Variants in CALU observed in about 807,000 individuals in gnomAD.
CALU encodes the protein IEF SSP 9302.
CALU carries 13 observed loss-of-function variants against 37.5 expected under a neutral mutation model. The ratio of observed to expected loss-of-function variants is 0.35; its 90% CI spans 0.23 to 0.55. CALU has a LOEUF of 0.55. CALU is among the 20% of genes least tolerant of loss of function. CALU has a pLI of 0.89. For synonymous variants in CALU, 114 were observed against 133.8 expected (o/e 0.85, Z 1.02); for missense variants, 282 against 391.7 (o/e 0.72, Z 2.36).
At chr7:128,739,550 G>C (rs2128876209) in intron 1 of CALU, 118 bp downstream of exon 1, 1 of 152,462 alleles carries the variant, frequency 6.6e-6, no homozygotes, top group African/African-American at 2.4e-5. Context: ...CGCTGTCTCT[G>C]CTGGCGCCCG....
rs779623213 is a variant in CALU, at chr7:128,772,837, T to C, written c.*3670T>C. Among the ~76,000 whole-genome samples, 3 of 152,208 alleles carry C rather than the reference T, an allele frequency of 2.0e-5. No individual in the cohort carries two copies. The highest frequency in any genetic ancestry group is 1.3e-4 in the Admixed American group (2 of 15,284). ...TATCTAGATTCCAGTCTAGAACTAC[T>C]CCTGGGTCTACGGTAATCCTAAACT... On this transcript the variant is annotated 3_prime_UTR_variant, in exon 7 of 7. Coordinates refer to ENST00000249364, the MANE Select transcript of CALU (RefSeq NM_001219.5).
intron 5 of CALU, among the ~76,000 whole-genome samples, chr7:128,765,605 C>CT (rs1801299907): frequency 6.6e-6 from 1 of 152,296 alleles, no homozygotes; most frequent in East Asian, 1.9e-4. Context: ...TGTGATATGG[C>CT]TCTTAAGTGT....
At chr7:128,760,997 GATAA>G (rs1801093738) in intron 5 of CALU, among the ~76,000 whole-genome samples, 1 of 152,184 alleles carries the variant, frequency 6.6e-6, no homozygotes, top group African/African-American at 2.4e-5. Flanking sequence ...TTAAAAGATG[GATAA>G]ATAAATGACG....
At position 128,748,773 on chromosome 7, in the gene CALU, CTG is replaced by C; in HGVS notation, c.191_192del (p.Leu64HisfsTer15). On this transcript the variant is annotated frameshift_variant, in exon 2 of 7. Coordinates refer to ENST00000249364, the MANE Select transcript of CALU (RefSeq NM_001219.5). LOFTEE classifies it high-confidence loss of function. The stretch of plus-strand genomic sequence containing the variant: ...TGAAGAAGCAAAGACCTTTGATCAG[CTG>C]ACACCAGAAGAGAGCAAGGAAAGGC... ...GAEEAKTFDQLTPEESKERLG... is the reference protein window; with the variant it reads ...GAEEAKTFDQXTPEESKERLG... 1 of 1,614,096 alleles carries C rather than the reference CTG, an allele frequency of 6.2e-7. No individual in the cohort carries two copies. The highest frequency in any genetic ancestry group is 8.5e-7 in the Non-Finnish European group (1 of 1,179,946).
intron 5 of CALU, among the ~76,000 whole-genome samples, chr7:128,762,023 A>G (rs937699423): frequency 1.2e-4 from 18 of 146,576 alleles, no homozygotes; most frequent in African/African-American, 4.1e-4. Flanking sequence ...GGAAGATAGG[A>G]TGGATGTTTT....
intron 1 of CALU, chr7:128,747,683 C>G (rs898088512): frequency 2.0e-5 from 3 of 151,732 alleles, no homozygotes; most frequent in African/African-American, 7.3e-5. Context: ...TGGATAGTAT[C>G]ACGGGGTATC....
chr7:128,754,155 G>A lies in CALU; in HGVS notation c.222-107G>A. 6 of 838,114 alleles carry A rather than the reference G, an allele frequency of 7.2e-6. No homozygotes were observed. In the South Asian group the frequency reaches 9.3e-5, roughly 13 times the overall value. The allele number at this position is 838,114 out of a possible 1,614,324, so 51.9% of individuals were successfully genotyped here. On this transcript the variant is annotated intron_variant, in intron 2 of 6. Transcript: ENST00000249364. ...GTTGCTGGCCTGGCAGTTTTGTTTT[G>A]GAGACAATTTTTTATTTCTGTGCAT...
At chr7:128,756,457 G>T (rs898893711) in intron 3 of CALU, among the ~76,000 whole-genome samples, 2 of 152,184 alleles carry the variant, frequency 1.3e-5, no homozygotes, top group Admixed American at 1.3e-4. Flanking sequence ...CATGAGGGTG[G>T]ACAGCACTGA....
chr7:128,764,275 A>C (rs1291862493), intron 5 of CALU, among the ~76,000 whole-genome samples: 1 of 151,520 alleles, frequency 6.6e-6, no homozygotes, highest in Admixed American at 6.6e-5. Context: ...AAAAAATACA[A>C]AAAAAAAGAA....
At chr7:128,742,523 T>C (rs990942800) in intron 1 of CALU, among the ~76,000 whole-genome samples, 4 of 152,230 alleles carry the variant, frequency 2.6e-5, no homozygotes, top group Admixed American at 2.6e-4. Context: ...TAAATTTCCC[T>C]GAAACAATTT....
rs961426022 is a variant in CALU, at chr7:128,769,301, C to T, written c.*134C>T. The T allele has an allele frequency of 4.8e-5, 27 of 560,156 alleles. No homozygotes were observed. Among genetic ancestry groups the T allele is most frequent in the African/African-American group, 2.3e-4 (12 of 52,918 alleles). The allele number at this position is 560,156 out of a possible 1,614,324, so 34.7% of individuals were successfully genotyped here. ...TGAAAAGGCGTAATGAAAACCATCCCGTCCCCATTCCTCCTCCTCTCTGAG... is the reference window on the plus strand; with the variant it reads ...TGAAAAGGCGTAATGAAAACCATCCTGTCCCCATTCCTCCTCCTCTCTGAG... On this transcript the variant is annotated 3_prime_UTR_variant, in exon 7 of 7. Coordinates refer to ENST00000249364, the MANE Select transcript of CALU (RefSeq NM_001219.5).
rs1801478352 is a variant in CALU at position 128,769,568 on chromosome 7, G to C, written c.*401G>C. Reference sequence around the variant, plus strand: ...CTCACTTAACTAATTTTGTAAGCCTGAGATCAATAAGAAATGTTCAGGAGA... The same window carrying C: ...CTCACTTAACTAATTTTGTAAGCCTCAGATCAATAAGAAATGTTCAGGAGA... On this transcript the variant is annotated 3_prime_UTR_variant, in exon 7 of 7. Coordinates refer to ENST00000249364, the MANE Select transcript of CALU (RefSeq NM_001219.5). 6.5e-6 allele frequency: 1 copy of C among 153,932 alleles called. No homozygotes were observed. The highest frequency in any genetic ancestry group is 6.5e-5 in the Admixed American group (1 of 15,482). The allele number at this position is 153,932 out of a possible 1,614,324, so 9.5% of individuals were successfully genotyped here.
In CALU at chr7:128,758,856, A is replaced by T. The variant is rs561291078; in HGVS notation, c.416-15A>T. 2.5e-6 allele frequency: 4 copies of T among 1,586,680 alleles called. No individual in the cohort carries two copies. The African/African-American group carries it at 5.4e-5, about 21-fold the overall frequency. Reference sequence around the variant, plus strand: ...GAAAGTCTTTTAAGATTTGACCTAAATTTTTGTTTTCTAGATGATCCAGAT... The same window carrying T: ...GAAAGTCTTTTAAGATTTGACCTAATTTTTTGTTTTCTAGATGATCCAGAT... On this transcript the variant is annotated splice_polypyrimidine_tract_variant and intron_variant, in intron 3 of 6. Transcript: ENST00000249364.
intron 1 of CALU, among the ~76,000 whole-genome samples, chr7:128,740,304 C>G (rs749469855): frequency 6.6e-6 from 1 of 152,324 alleles, no homozygotes; most frequent in African/African-American, 2.4e-5. Context: ...AGAATAGTGT[C>G]TTCGAGAATT....
At chr7:128,746,148 C>G (rs1800426061) in intron 1 of CALU, among the ~76,000 whole-genome samples, 1 of 150,936 alleles carries the variant, frequency 6.6e-6, no homozygotes, top group African/African-American at 2.4e-5. Context: ...ATAGATGCAT[C>G]TCGTTCTTTT....
At chr7:128,759,103 C>T in intron 4 of CALU, 66 bp downstream of exon 4, 1 of 1,278,806 alleles carries the variant, frequency 7.8e-7, no homozygotes, top group Non-Finnish European at 1.1e-6. Flanking sequence ...TCTGTCTTTC[C>T]CCTTTAGCCT....
At chr7:128,753,273 C>A (rs554337422) in intron 2 of CALU, among the ~76,000 whole-genome samples, 7 of 152,294 alleles carry the variant, frequency 4.6e-5, no homozygotes, top group African/African-American at 1.7e-4. Flanking sequence ...TAGGACTATA[C>A]CAAGATTTCT....
intron 2 of CALU, among the ~76,000 whole-genome samples, chr7:128,753,659 A>G (rs1800760145): frequency 1.3e-5 from 2 of 152,226 alleles, no homozygotes; most frequent in African/African-American, 4.8e-5. Flanking sequence ...TTAGACAAGC[A>G]TCTTCCTGTC....
chr7:128,742,955 A>G (rs186891868), intron 1 of CALU, among the ~76,000 whole-genome samples: 1 of 152,360 alleles, frequency 6.6e-6, no homozygotes, highest in Admixed American at 6.5e-5. Context: ...TACAAGCCAC[A>G]TATGTAATTT....
Sources: allele counts gnomAD v4.1 joint callset (sites outside exome capture counted in the v4.1 genomes callset), GRCh38; gene constraint gnomAD v4.1.1; transcripts MANE v1.5; gene names NCBI Gene and HGNC (gene_info 2026-07-23, HGNC 2026-07-21).